The following INTS6 variants were observed in gnomAD, a reference collection of about 807,000 sequenced individuals.
The protein encoded by INTS6 is DEAD box protein.
A neutral mutation model predicts 104.9 loss-of-function variants in INTS6; 16 were observed. The ratio of observed to expected loss-of-function variants is 0.15; its 90% CI spans 0.10 to 0.23. The LOEUF (loss-of-function observed/expected upper bound fraction) is 0.23, where lower values mean the gene tolerates loss of function less well. INTS6 is among the 10% of genes least tolerant of loss of function. The pLI is 1.00. For missense variants in INTS6, 584 were observed against 1,062.8 expected, an observed-to-expected ratio of 0.55 and a Z score of 6.26; for synonymous variants, 324 against 358.7, an observed-to-expected ratio of 0.90 and a Z score of 1.09.
chr13:51,345,420 C>T, the INTS6 span, among the ~76,000 whole-genome samples: 1 of 151,890 alleles, frequency 6.6e-6, no homozygotes. Flanking sequence ...TGGTGAAACC[C>T]CGTCTCTACT....
chr13:51,348,422 G>A, the INTS6 span: 2 of 1,610,636 alleles, frequency 1.2e-6, no homozygotes, highest in Non-Finnish European at 1.7e-6. Flanking sequence ...GTGAGCAGCT[G>A]AGTCCCCCTC....
chr13:51,443,569 CT>C (rs1952837539), intron 3 of INTS6: 1 of 151,928 alleles, frequency 6.6e-6, no homozygotes, highest in South Asian at 2.1e-4. Flanking sequence ...AAGGAAATTA[CT>C]TTTTTAAGCT....
intron 4 of INTS6, among the ~76,000 whole-genome samples, chr13:51,412,155 T>C (rs1021865359): frequency 2.0e-5 from 3 of 152,296 alleles, no homozygotes; most frequent in South Asian, 2.1e-4. Context: ...GGGAGGGTGA[T>C]AGGAACTACA....
rs2137840688 is a variant in INTS6, at chr13:51,364,159, AT to A, written c.*1592del. ...ATGTTATCTTGCATTACTTAAAAGT[AT>A]TTGTATAGAAGTAAACAAAGCTTAA... On this transcript the variant is annotated 3_prime_UTR_variant, in exon 18 of 18. Transcript: ENST00000311234. 3.1e-6 allele frequency: 2 copies of A among 638,010 alleles called. No homozygotes were observed. Among genetic ancestry groups the A allele is most frequent in the East Asian group, 6.0e-5 (2 of 33,390 alleles). 39.5% of individuals were successfully genotyped at this position (638,010 alleles called of 1,614,324 possible).
At chr13:51,403,539 A>C (rs1956481426) in intron 4 of INTS6, among the ~76,000 whole-genome samples, 1 of 135,910 alleles carries the variant, frequency 7.4e-6, no homozygotes, top group African/African-American at 2.8e-5. Context: ...CCCAGATCGC[A>C]CCACTGCACT....
chr13:51,444,751 A>G (rs1952871984), intron 3 of INTS6: 1 of 148,962 alleles, frequency 6.7e-6, no homozygotes. Context: ...CTCTATCCCA[A>G]AAAAAAAAAG....
chr13:51,348,109 T>G, the INTS6 span: 1 of 849,824 alleles, frequency 1.2e-6, no homozygotes, highest in Non-Finnish European at 1.8e-6. Flanking sequence ...GATGCTCGGT[T>G]TTATTGTTTC....
chr13:51,335,989 G>A, the INTS6 span: 1 of 152,180 alleles, frequency 6.6e-6, no homozygotes, highest in Admixed American at 6.5e-5. Context: ...GTGTGACTAT[G>A]TGGCATGAAC....
At position 51,387,396 on chromosome 13, in the gene INTS6, G is replaced by A. The variant is rs764593870; in HGVS notation, c.884C>T (p.Ser295Leu). 5.0e-6 allele frequency: 8 copies of A among 1,610,208 alleles called. No individual in the cohort carries two copies. The highest frequency in any genetic ancestry group is 2.2e-5 in the South Asian group (2 of 90,416). ...GTCTCTGGTACTTACTAGTGTTGGC[G>A]AATTTTGATCTGGCCAAAAAGACTC... ...VPESFWPDQN[S>L]PTLPPRTSHP... The change falls in exon 7 of 18, where the codon TCG becomes TTG. Residue 295 changes from serine (S) to leucine (L), a missense_variant. Around this residue, in one of 5 missense-constraint regions of INTS6, gnomAD observed 144 missense variants for 348.7 expected, o/e 0.41. Transcript: ENST00000311234.
chr13:51,361,460 C>A, downstream of INTS6: 1 of 806,520 alleles, frequency 1.2e-6, no homozygotes, highest in Non-Finnish European at 2.1e-6. Context: ...CTTTCCATAA[C>A]CCCCAAGTTC....
At chr13:51,378,100 T>A (rs1192837855) in intron 12 of INTS6, 139 bp downstream of exon 12, 2 of 651,208 alleles carry the variant, frequency 3.1e-6, no homozygotes, top group Non-Finnish European at 5.5e-6. Flanking sequence ...AGTGACAGTA[T>A]AATGATCATT....
chr13:51,440,502 C>A (rs1294881420), intron 3 of INTS6: 1 of 151,988 alleles, frequency 6.6e-6, no homozygotes, highest in Non-Finnish European at 1.5e-5. Context: ...GTGTACTGTC[C>A]CAGGCCTTCA....
chr13:51,401,153 A>T (rs1409510261), intron 4 of INTS6, among the ~76,000 whole-genome samples: 1 of 152,162 alleles, frequency 6.6e-6, no homozygotes, highest in African/African-American at 2.4e-5. Context: ...AAGCTCAGAC[A>T]TTTGTAAGGA....
chr13:51,346,496 G>T, the INTS6 span, among the ~76,000 whole-genome samples: 1 of 152,074 alleles, frequency 6.6e-6, no homozygotes, highest in Non-Finnish European at 1.5e-5. Context: ...AGCAACAGCT[G>T]GTTATAAACA....
chr13:51,367,296 A>G (rs1475802727), intron 17 of INTS6, among the ~76,000 whole-genome samples: 1 of 152,016 alleles, frequency 6.6e-6, no homozygotes, highest in East Asian at 1.9e-4. Flanking sequence ...AAATACTTTC[A>G]ATCTGTGGTT....
At chr13:51,340,905 C>T in the INTS6 span, 1 of 623,444 alleles carries the variant, frequency 1.6e-6, no homozygotes, top group African/African-American at 1.8e-5. Context: ...AGCTCTGCAG[C>T]CCAGACGGCT....
chr13:51,435,912 C>T (rs1435360140), intron 3 of INTS6, among the ~76,000 whole-genome samples: 5 of 151,894 alleles, frequency 3.3e-5, no homozygotes, highest in African/African-American at 9.7e-5. Flanking sequence ...AACAGAATTA[C>T]TTAAGTCAAT....
At chr13:51,335,275 T>C in the INTS6 span, among the ~76,000 whole-genome samples, 3 of 152,158 alleles carry the variant, frequency 2.0e-5, no homozygotes, top group East Asian at 5.8e-4. Context: ...AAGGGATGTA[T>C]ACTCTATGTG....
chr13:51,385,019 G>C (rs745651428), intron 7 of INTS6: 15 of 191,056 alleles, frequency 7.9e-5, no homozygotes, highest in South Asian at 5.6e-4. Flanking sequence ...CCTAAAAATA[G>C]GGTCTAGACA....
Sources: gnomAD v4.1 joint callset for allele counts (sites outside exome capture counted in the v4.1 genomes callset) on GRCh38, gnomAD v4.1.1 for gene constraint, gnomAD v4.1.1 regional missense constraint, MANE v1.5 for transcripts, NCBI Gene and HGNC (gene_info 2026-07-23, HGNC 2026-07-21) for gene names.